PDSS2: variants seen among roughly 807,000 people sequenced by gnomAD.
PDSS2 encodes the protein all trans-polyprenyl-diphosphate synthase PDSS2.
In PDSS2, 31 loss-of-function variants were observed where a neutral mutation model predicts 44.5. That is an observed-to-expected ratio of 0.70 (90% CI 0.52 to 0.94). PDSS2 has a LOEUF of 0.94. PDSS2 is among the 40% of genes least tolerant of loss of function. The pLI is 0.00. For synonymous variants in PDSS2, 157 were observed against 180.3 expected (o/e 0.87, Z 1.03); for missense variants, 452 against 482.2 (o/e 0.94, Z 0.59).
At position 107,162,610 on chromosome 6, in the gene PDSS2, A is replaced by ATT. The variant is rs71012782; in HGVS notation, c.1042-7835_1042-7834dup. On this transcript the variant is annotated intron_variant, in intron 7 of 7. Transcript: ENST00000369037. Reference sequence around the variant, plus strand: ...TTTTTATTTTGTCAAGAATTCCCTAATTTTTTTTTTTTTTTGAGATGGAGT... The same window carrying ATT: ...TTTTTATTTTGTCAAGAATTCCCTAATTTTTTTTTTTTTTTTTGAGATGGAGT... Among the ~76,000 whole-genome samples the ATT allele has an allele frequency of 1.4e-3, 159 of 115,540 alleles. 6 individuals are homozygous for ATT. Among genetic ancestry groups the ATT allele is most frequent in the South Asian group, 2.7e-3 (10 of 3,762 alleles). The allele number at this position is 115,540 out of a possible 152,430, so 75.8% of individuals were successfully genotyped here.
chr6:107,398,261 A>AAATT (rs1780007326), intron 1 of PDSS2, among the ~76,000 whole-genome samples: 1 of 152,234 alleles, frequency 6.6e-6, no homozygotes, highest in African/African-American at 2.4e-5. Flanking sequence ...GCAGATAAGA[A>AAATT]AATTCAGCTG....
At chr6:107,220,072 G>A (rs932130388) in intron 4 of PDSS2, among the ~76,000 whole-genome samples, 13 of 152,118 alleles carry the variant, frequency 8.5e-5, no homozygotes, top group African/African-American at 2.7e-4. Context: ...ATTGCCTGGG[G>A]CTGGGGGTGG....
At chr6:107,249,608 T>C (rs934528576) in intron 3 of PDSS2, among the ~76,000 whole-genome samples, 7 of 152,162 alleles carry the variant, frequency 4.6e-5, no homozygotes, top group Non-Finnish European at 1.0e-4. Flanking sequence ...AAAATGCTCT[T>C]CTCTTCAGTT....
Position 107,274,332 on chromosome 6 carries a change from CT to C in PDSS2, c.432-106del, listed in dbSNP as rs551313244. On this transcript the variant is annotated intron_variant, in intron 2 of 7. Transcript: ENST00000369037. ...AAAATATTCCATAGGTTGCCCCCCA[CT>C]TTTTTTTTTGGATTATATCTTTCTA... 6,619 of 693,862 alleles carry C rather than the reference CT, an allele frequency of 9.5e-3. 13 individuals carry two copies. The highest frequency in any genetic ancestry group is 0.01 in the East Asian group (297 of 28,594). 43.0% of individuals were successfully genotyped at this position (693,862 alleles called of 1,614,324 possible).
chr6:107,259,830 C>T (rs1197112000), intron 3 of PDSS2, among the ~76,000 whole-genome samples: 3 of 152,090 alleles, frequency 2.0e-5, no homozygotes, highest in Non-Finnish European at 4.4e-5. Context: ...CTATGTAGCT[C>T]AACACATTAT....
intron 2 of PDSS2, among the ~76,000 whole-genome samples, chr6:107,276,187 T>C (rs902183495): frequency 4.3e-5 from 6 of 140,252 alleles, no homozygotes; most frequent in Admixed American, 1.4e-4. Flanking sequence ...TGGAGAAGAG[T>C]GGATTCGAGA....
At chr6:107,319,898 A>G (rs1289405917) in intron 2 of PDSS2, among the ~76,000 whole-genome samples, 1 of 152,220 alleles carries the variant, frequency 6.6e-6, no homozygotes, top group Non-Finnish European at 1.5e-5. Context: ...CTATCTATAG[A>G]GAGAGATAAA....
chr6:107,304,123 T>C (rs928033469), intron 2 of PDSS2, among the ~76,000 whole-genome samples: 1 of 152,188 alleles, frequency 6.6e-6, no homozygotes, highest in African/African-American at 2.4e-5. Context: ...TTGAAATGCT[T>C]CCTCTCCCTT....
chr6:107,280,824 C>T (rs1486055446), intron 2 of PDSS2, among the ~76,000 whole-genome samples: 1 of 152,154 alleles, frequency 6.6e-6, no homozygotes. Flanking sequence ...TAAAAGACAA[C>T]GGAGCCTGCT....
In PDSS2 at chr6:107,459,156, T is replaced by TG. The variant is rs1782160930; in HGVS notation, c.129dup (p.Lys44GlnfsTer61). 2 of 1,614,022 alleles carry TG rather than the reference T, an allele frequency of 1.2e-6. No homozygotes were observed. Among genetic ancestry groups the TG allele is most frequent in the Non-Finnish European group, 8.5e-7 (1 of 1,180,010 alleles). On this transcript the variant is annotated frameshift_variant, in exon 1 of 8. Transcript: ENST00000369037. LOFTEE classifies it high-confidence loss of function. The surrounding 1 kb of genome is among the most constrained non-coding windows in gnomAD (Gnocchi z 4.3). ...ACCTGATTCCAGTGGGCCGGGGACT[T>TG]GGAGGACCGACCACGCCAAGAGCCC...
At chr6:107,416,342 T>C (rs963378633) in intron 1 of PDSS2, among the ~76,000 whole-genome samples, 3 of 152,086 alleles carry the variant, frequency 2.0e-5, no homozygotes, top group Admixed American at 6.6e-5. Flanking sequence ...ATAAATATGA[T>C]AGCAATCTAG....
At chr6:107,248,224 T>A (rs923725734) in intron 3 of PDSS2, among the ~76,000 whole-genome samples, 7 of 152,092 alleles carry the variant, frequency 4.6e-5, no homozygotes, top group Non-Finnish European at 7.4e-5. Context: ...TAATAACATA[T>A]TCCCCCCTCA....
At chr6:107,393,528 T>C (rs1779849370) in intron 1 of PDSS2, among the ~76,000 whole-genome samples, 1 of 152,174 alleles carries the variant, frequency 6.6e-6, no homozygotes, top group South Asian at 2.1e-4. Flanking sequence ...AGTTGGTTCA[T>C]AGTGCTGTTC....
At chr6:107,245,166 T>C (rs551846522) in intron 4 of PDSS2, among the ~76,000 whole-genome samples, 1 of 152,120 alleles carries the variant, frequency 6.6e-6, no homozygotes, top group South Asian at 2.1e-4. Flanking sequence ...AGGCTCAAGG[T>C]CCACTCCTCT....
At chr6:107,338,860 C>T (rs1415918329) in intron 1 of PDSS2, among the ~76,000 whole-genome samples, 1 of 151,966 alleles carries the variant, frequency 6.6e-6, no homozygotes, top group East Asian at 1.9e-4. Flanking sequence ...AAAGGGTTCC[C>T]TATGTAGAGG....
At chr6:107,373,305 T>C (rs1450446513) in intron 1 of PDSS2, among the ~76,000 whole-genome samples, 2 of 152,156 alleles carry the variant, frequency 1.3e-5, no homozygotes, top group Non-Finnish European at 2.9e-5. Context: ...TTTTTTAAAG[T>C]ATGTTAATAC....
intron 6 of PDSS2, among the ~76,000 whole-genome samples, chr6:107,205,761 TC>T (rs1657404224): frequency 1.3e-5 from 2 of 152,062 alleles, no homozygotes; most frequent in South Asian, 4.2e-4. Context: ...GGCTACCTAA[TC>T]CTAAGATTTT....
intron 1 of PDSS2, among the ~76,000 whole-genome samples, chr6:107,429,133 G>A (rs1781092606): frequency 6.6e-6 from 1 of 152,064 alleles, no homozygotes; most frequent in South Asian, 2.1e-4. Flanking sequence ...GAGAAATCAG[G>A]GAATGCTTAG....
rs528503422 is a variant in PDSS2, at chr6:107,357,635, G to A, written c.297-23303C>T. ...ATCCATTTTTTAAAAAGTAGGGGAG[G>A]AAATCAAACATACCAACCTCCAGCT... On this transcript the variant is annotated intron_variant, in intron 1 of 7. Transcript: ENST00000369037. Among the ~76,000 whole-genome samples the A allele has an allele frequency of 1.8e-4, 28 of 152,124 alleles. No homozygotes were observed. The East Asian group carries it at 2.9e-3, about 16-fold the overall frequency.
Sources: allele counts gnomAD v4.1 joint callset (sites outside exome capture counted in the v4.1 genomes callset), GRCh38; gene constraint gnomAD v4.1.1; non-coding constraint Gnocchi (gnomAD v3.1); transcripts MANE v1.5; gene names NCBI Gene and HGNC (gene_info 2026-07-23, HGNC 2026-07-21).